Variants in LIN7A observed in about 807,000 individuals in gnomAD.
LIN7A encodes protein lin-7 homolog A.
LIN7A carries 25 observed loss-of-function variants against 29.8 expected under a neutral mutation model. The ratio of observed to expected loss-of-function variants is 0.84; its 90% CI spans 0.61 to 1.17. LIN7A has a LOEUF of 1.17. LIN7A is among the 50% of genes most tolerant of loss of function. The probability of loss-of-function intolerance (pLI) is 0.00; values close to 1 mark genes in which losing one functional copy is unlikely to be tolerated. For missense variants in LIN7A, 239 were observed against 287.0 expected (o/e 0.83, Z 1.21); for synonymous variants, 118 against 107.5 (o/e 1.10, Z -0.60).
At chr12:80,804,666 G>A (rs965145393) in intron 5 of LIN7A, among the ~76,000 whole-genome samples, 1 of 151,742 alleles carries the variant, frequency 6.6e-6, no homozygotes, top group South Asian at 2.1e-4. Flanking sequence ...AGACTCCAAA[G>A]TAGCTGGGAT....
chr12:80,874,710 G>A (rs768825891), intron 2 of LIN7A, among the ~76,000 whole-genome samples: 9 of 152,130 alleles, frequency 5.9e-5, no homozygotes, highest in African/African-American at 1.2e-4. Flanking sequence ...TCGGCTGGCC[G>A]CGGTGGCTCA....
chr12:80,921,825 A>G (rs1877323938), intron 1 of LIN7A, among the ~76,000 whole-genome samples: 1 of 152,232 alleles, frequency 6.6e-6, no homozygotes, highest in Non-Finnish European at 1.5e-5. Flanking sequence ...GTGTGACATC[A>G]GAAGAAATTA....
intron 1 of LIN7A, among the ~76,000 whole-genome samples, chr12:80,909,712 T>C (rs1876659685): frequency 6.6e-6 from 1 of 152,142 alleles, no homozygotes; most frequent in South Asian, 2.1e-4. Flanking sequence ...TAGTACGGCC[T>C]TGGAAGTTAT....
intron 1 of LIN7A, among the ~76,000 whole-genome samples, chr12:80,904,212 A>G (rs529352739): frequency 6.6e-6 from 1 of 152,290 alleles, no homozygotes; most frequent in Admixed American, 6.5e-5. Context: ...CACATTATAT[A>G]CAACGTGATG....
intron 2 of LIN7A, among the ~76,000 whole-genome samples, chr12:80,856,587 C>T (rs1002970564): frequency 6.6e-6 from 1 of 152,174 alleles, no homozygotes; most frequent in Non-Finnish European, 1.5e-5. Flanking sequence ...ACAAGACCTT[C>T]GTGTAGGCTA....
At chr12:80,829,620 G>A (rs1872247784) in intron 4 of LIN7A, among the ~76,000 whole-genome samples, 1 of 152,064 alleles carries the variant, frequency 6.6e-6, no homozygotes, top group Non-Finnish European at 1.5e-5. Context: ...AAACAAACTT[G>A]CAGTGATCTC....
intron 4 of LIN7A, among the ~76,000 whole-genome samples, chr12:80,839,536 G>A (rs1242765578): frequency 6.6e-6 from 1 of 152,166 alleles, no homozygotes; most frequent in African/African-American, 2.4e-5. Flanking sequence ...GCCATCATTG[G>A]AACATGCATT....
chr12:80,827,398 C>CAAAA (rs1454869117), intron 4 of LIN7A, among the ~76,000 whole-genome samples: 1 of 151,798 alleles, frequency 6.6e-6, no homozygotes, highest in Non-Finnish European at 1.5e-5. Context: ...AACAAACAAA[C>CAAAA]AAACAAACAA....
intron 4 of LIN7A, 119 bp downstream of exon 4, chr12:80,845,611 C>T: frequency 1.4e-6 from 1 of 732,548 alleles, no homozygotes; most frequent in Non-Finnish European, 2.2e-6. Flanking sequence ...GCTTAGAAAG[C>T]TGGTTAGACA....
chr12:80,866,778 G>A (rs577059061), intron 2 of LIN7A, among the ~76,000 whole-genome samples: 1 of 152,238 alleles, frequency 6.6e-6, no homozygotes, highest in Non-Finnish European at 1.5e-5. Flanking sequence ...AATTAGTTCA[G>A]AGACCATTTT....
At chr12:80,821,962 G>A (rs927344360) in intron 4 of LIN7A, among the ~76,000 whole-genome samples, 3 of 152,208 alleles carry the variant, frequency 2.0e-5, no homozygotes, top group Non-Finnish European at 2.9e-5. Context: ...GCACTCAGGG[G>A]AGCACTGACA....
intron 4 of LIN7A, among the ~76,000 whole-genome samples, chr12:80,836,585 G>T (rs1872597258): frequency 7.1e-6 from 1 of 140,772 alleles, no homozygotes; most frequent in Non-Finnish European, 1.7e-5. Context: ...AGTCTGGGAG[G>T]CAGAGTTTGC....
In LIN7A at chr12:80,876,084, G is replaced by GAGAA. The variant is rs1555226198; in HGVS notation, c.201+13166_201+13167insTTCT. On this transcript the variant is annotated intron_variant, in intron 2 of 5. Coordinates refer to ENST00000552864, the MANE Select transcript of LIN7A (RefSeq NM_004664.4). ...ACACACACACACACACACACACAGAGAGAGAGAAAGAGAGAGACAGACAGA... is the reference window on the plus strand; with the variant it reads ...ACACACACACACACACACACACAGAGAGAAAGAGAGAAAGAGAGAGACAGACAGA... Among the ~76,000 whole-genome samples the GAGAA allele has an allele frequency of 3.5e-3, 528 of 148,752 alleles. 5 individuals carry two copies. Among genetic ancestry groups the GAGAA allele is most frequent in the East Asian group, 0.011 (56 of 5,042 alleles).
chr12:80,880,143 C>A (rs940687952), intron 2 of LIN7A, among the ~76,000 whole-genome samples: 1 of 152,154 alleles, frequency 6.6e-6, no homozygotes, highest in African/African-American at 2.4e-5. Context: ...TCTTTCAGCA[C>A]TTTCATGTCA....
intron 4 of LIN7A, among the ~76,000 whole-genome samples, chr12:80,834,838 T>TA: frequency 6.6e-6 from 1 of 152,204 alleles, no homozygotes; most frequent in East Asian, 1.9e-4. Flanking sequence ...CCCTTAGACT[T>TA]ACACTTGGCT....
At chr12:80,860,271 C>T (rs1873798112) in intron 2 of LIN7A, among the ~76,000 whole-genome samples, 2 of 152,156 alleles carry the variant, frequency 1.3e-5, no homozygotes, top group Admixed American at 6.6e-5. Context: ...ACCGCACAGA[C>T]TGCAAGAAGT....
At chr12:80,800,587 A>T (rs1870675900) in intron 5 of LIN7A, among the ~76,000 whole-genome samples, 1 of 151,930 alleles carries the variant, frequency 6.6e-6, no homozygotes, top group Non-Finnish European at 1.5e-5. Flanking sequence ...TTATAAAAGA[A>T]ATCGAATCAA....
intron 1 of LIN7A, among the ~76,000 whole-genome samples, chr12:80,921,318 A>T (rs1413636308): frequency 6.6e-6 from 1 of 151,814 alleles, no homozygotes; most frequent in Non-Finnish European, 1.5e-5. Context: ...AGTCTATGGT[A>T]TTTTATTATA....
chr12:80,812,781 C>T (rs1025439867), intron 4 of LIN7A, among the ~76,000 whole-genome samples: 1 of 152,024 alleles, frequency 6.6e-6, no homozygotes, highest in East Asian at 1.9e-4. Context: ...GAACTCCTGA[C>T]CTCAAGCGAT....
Sources: gnomAD v4.1 joint callset for allele counts (sites outside exome capture counted in the v4.1 genomes callset) on GRCh38, gnomAD v4.1.1 for gene constraint, MANE v1.5 for transcripts, NCBI Gene and HGNC (gene_info 2026-07-23, HGNC 2026-07-21) for gene names.